Variants in SPDL1 observed in about 807,000 individuals in gnomAD.
SPDL1 encodes the protein protein Spindly.
A neutral mutation model predicts 79.5 loss-of-function variants in SPDL1; 85 were observed. The ratio of observed to expected loss-of-function variants is 1.07; its 90% CI spans 0.90 to 1.28. The LOEUF (loss-of-function observed/expected upper bound fraction) is 1.28. SPDL1 is among the 50% of genes most tolerant of loss of function. The probability of loss-of-function intolerance (pLI) is 0.00; values close to 1 mark genes in which losing one functional copy is unlikely to be tolerated. For missense variants in SPDL1, 703 were observed against 697.8 expected, an observed-to-expected ratio of 1.01 and a Z score of -0.08; for synonymous variants, 269 against 240.3, an observed-to-expected ratio of 1.12 and a Z score of -1.10.
intron 1 of SPDL1, among the ~76,000 whole-genome samples, chr5:169,586,906 T>G (rs1242302858): frequency 1.3e-5 from 2 of 152,190 alleles, no homozygotes; most frequent in Non-Finnish European, 2.9e-5. Flanking sequence ...TGACTTCCCA[T>G]GTCACCCAAA....
intron 3 of SPDL1, among the ~76,000 whole-genome samples, chr5:169,593,110 G>A (rs1177645160): frequency 6.6e-6 from 1 of 152,018 alleles, no homozygotes; most frequent in African/African-American, 2.4e-5. Context: ...TAGCCAAGTG[G>A]TCCGCATCAT....
At chr5:169,596,806 A>G (rs1581309861) in intron 8 of SPDL1, 105 bp downstream of exon 8, 1 of 956,376 alleles carries the variant, frequency 1.0e-6, no homozygotes, top group East Asian at 2.9e-5. Flanking sequence ...CTTGTGGGAG[A>G]TACTTTGAGA....
In SPDL1 at chr5:169,594,414, A is replaced by G. The variant is rs371317692; in HGVS notation, c.702A>G (p.Gln234=). Residue 234 remains glutamine (Q), a synonymous_variant, in exon 6 of 12, where the codon CAA becomes CAG. Coordinates refer to ENST00000265295, the MANE Select transcript of SPDL1 (RefSeq NM_017785.5). ...TTTAGAAAGCTCGTGTAGCAAATCA[A>G]GATCTTCAGGTACAGTTGGACCAGG... ...NALEKARVAN[Q]DLQVQLDQAL... is the part of the protein sequence containing the mutation. The G allele has an allele frequency of 2.5e-5, 40 of 1,614,014 alleles. No individual in the cohort carries two copies. The highest frequency in any genetic ancestry group is 3.4e-5 in the Non-Finnish European group (40 of 1,179,964).
intron 1 of SPDL1, among the ~76,000 whole-genome samples, chr5:169,586,568 G>T (rs1754995702): frequency 6.6e-6 from 1 of 152,152 alleles, no homozygotes; most frequent in Non-Finnish European, 1.5e-5. Flanking sequence ...TCAAATTCCT[G>T]ATTTTATTTC....
intron 2 of SPDL1, among the ~76,000 whole-genome samples, chr5:169,590,391 G>A (rs571470087): frequency 1.3e-5 from 2 of 152,202 alleles, no homozygotes; most frequent in Non-Finnish European, 2.9e-5. Context: ...GTGTTTAACA[G>A]TTAATACTCT....
intron 2 of SPDL1, 58 bp from the exon 3 acceptor site, chr5:169,590,990 T>C: frequency 7.3e-7 from 1 of 1,372,710 alleles, no homozygotes; most frequent in Non-Finnish European, 1.0e-6. Context: ...AAACTGATTG[T>C]ATGTAATGGC....
chr5:169,595,291 G>C (rs780582183), intron 7 of SPDL1: 4 of 152,178 alleles, frequency 2.6e-5, no homozygotes, highest in Non-Finnish European at 4.4e-5. Context: ...ACTCTACTGA[G>C]GTAGTAATTG....
At chr5:169,593,802 A>G (rs1349664574) in intron 4 of SPDL1, among the ~76,000 whole-genome samples, 2 of 152,186 alleles carry the variant, frequency 1.3e-5, no homozygotes, top group Non-Finnish European at 2.9e-5. Context: ...TTAGAGGCAT[A>G]TACTCTGATC....
chr5:169,601,182 T>C, intron 10 of SPDL1, 98 bp from the exon 11 acceptor site: 2 of 1,037,664 alleles, frequency 1.9e-6, no homozygotes, highest in Non-Finnish European at 2.8e-6. Context: ...TTTAAAAGAA[T>C]GGAAAAAGGT....
chr5:169,590,253 A>G (rs1755206471), intron 2 of SPDL1, among the ~76,000 whole-genome samples: 2 of 152,242 alleles, frequency 1.3e-5, no homozygotes, highest in South Asian at 2.1e-4. Context: ...TTGTGTTTCT[A>G]CATAGTACTG....
chr5:169,593,381 G>T lies in SPDL1; in HGVS notation c.364G>T (p.Glu122Ter). 6.3e-7 allele frequency: 1 copy of T among 1,595,376 alleles called. No homozygotes were observed. Among genetic ancestry groups the T allele is most frequent in the Non-Finnish European group, 8.5e-7 (1 of 1,175,034 alleles). ...AGAAAAACTGAAAGTGGAATTAGAT[G>T]AAGCCAGGCTTAGTGAAAAGCAGCT... ...KIEKLKVELD[E>*]ARLSEKQLKH... Residue 122 changes from glutamate (E) to a stop codon, truncating the protein, a stop_gained, in exon 4 of 12, where the codon GAA (glutamate) becomes TAA (stop). Coordinates refer to ENST00000265295, the MANE Select transcript of SPDL1 (RefSeq NM_017785.5). LOFTEE classifies it high-confidence loss of function.
intron 9 of SPDL1, 95 bp downstream of exon 9, chr5:169,598,674 G>A: frequency 8.9e-7 from 1 of 1,122,294 alleles, no homozygotes; most frequent in Non-Finnish European, 1.3e-6. Flanking sequence ...ATTGCCAAAG[G>A]AAATTTTCCG....
rs750341189 is a variant in SPDL1, at chr5:169,588,492, T to C, written c.76T>C (p.Tyr26His). 75 of 1,613,786 alleles carry C rather than the reference T, an allele frequency of 4.6e-5. No homozygotes were observed. The highest frequency in any genetic ancestry group is 6.4e-5 in the Non-Finnish European group (75 of 1,179,884). The stretch of plus-strand genomic sequence containing the variant: ...AGAAGAGCGACTAAAAGCTGCACAG[T>C]ATGGTTTACAACTAGTAGAGAGTCA... The part of the protein sequence containing the change: ...AEEERLKAAQ[Y>H]GLQLVESQNE... The change falls in exon 2 of 12, where the codon TAT becomes CAT. Residue 26 changes from tyrosine to histidine, a missense_variant. Physicochemically the swap from Tyr to His is moderately conservative, Grantham distance 83. Transcript: ENST00000265295.
Position 169,599,048 on chromosome 5 carries a change from G to A in SPDL1, c.1213G>A (p.Asp405Asn). 1 of 1,602,028 alleles carries A rather than the reference G, an allele frequency of 6.2e-7. No individual in the cohort carries two copies. The highest frequency in any genetic ancestry group is 2.2e-5 in the East Asian group (1 of 44,548). Reference protein sequence around the residue: ...KALFESQRALDIERKLFANER... With the variant: ...KALFESQRALNIERKLFANER... Reference sequence around the variant, plus strand: ...ATTATTTGAGAGCCAGCGGGCTCTAGATATTGAGCGAAAACTTTTTGCAAA... The same window carrying A: ...ATTATTTGAGAGCCAGCGGGCTCTAAATATTGAGCGAAAACTTTTTGCAAA... Residue 405 changes from aspartate (D) to asparagine (N), a missense_variant, in exon 10 of 12, where the codon GAT (aspartate) becomes AAT (asparagine). By Grantham distance (23) the Asp-to-Asn change is conservative. Transcript: ENST00000265295.
In SPDL1 at chr5:169,599,154, C is replaced by G; in HGVS notation, c.1319C>G (p.Pro440Arg). The G allele has an allele frequency of 1.3e-6, 2 of 1,503,160 alleles. No individual in the cohort carries two copies. The highest frequency in any genetic ancestry group is 1.8e-6 in the Non-Finnish European group (2 of 1,101,508). The allele number at this position is 1,503,160 out of a possible 1,614,324, so 93.1% of individuals were successfully genotyped here. ...KLDELKLKYE[P>R]EETVEVPVLK... The stretch of plus-strand genomic sequence containing the variant: ...GATGAATTGAAACTAAAATATGAAC[C>G]TGAAGGTATATATGTCTCATATATT... Residue 440 changes from proline to arginine, a missense_variant, in exon 10 of 12, where the codon CCT becomes CGT. Transcript: ENST00000265295.
chr5:169,595,246 T>A (rs1025278442), intron 7 of SPDL1: 7 of 152,372 alleles, frequency 4.6e-5, no homozygotes, highest in African/African-American at 1.7e-4. Flanking sequence ...ATTGTAACAG[T>A]CCTTAGAATC....
chr5:169,604,320 G>C lies in SPDL1; in HGVS notation c.*113G>C, dbSNP rs2113405991. On this transcript the variant is annotated 3_prime_UTR_variant, in exon 12 of 12. Transcript: ENST00000265295. The stretch of plus-strand genomic sequence containing the variant: ...TCTGGGTTATTTACTCATTGTGCCA[G>C]GACCTGGCATTTTCATGTGCCTTTG... 9.0e-7 allele frequency: 1 copy of C among 1,111,280 alleles called. No individual in the cohort carries two copies. The highest frequency in any genetic ancestry group is 2.5e-5 in the South Asian group (1 of 40,458). 68.8% of individuals were successfully genotyped at this position (1,111,280 alleles called of 1,614,324 possible).
At chr5:169,584,032 A>T (rs1354724945) in intron 1 of SPDL1, 143 bp downstream of exon 1, 2 of 152,164 alleles carry the variant, frequency 1.3e-5, no homozygotes, top group East Asian at 3.9e-4. Context: ...CTGGGGTCTT[A>T]TACACTGGGT....
Position 169,601,615 on chromosome 5 carries a change from A to G in SPDL1, c.1660A>G (p.Asn554Asp). 1 of 1,613,950 alleles carries G rather than the reference A, an allele frequency of 6.2e-7. No individual in the cohort carries two copies. Among genetic ancestry groups the G allele is most frequent in the East Asian group, 2.2e-5 (1 of 44,872 alleles). ...ALSERSGNTP[N>D]SPRLAAESKL... is the part of the protein sequence containing the mutation. ...AAGTGAAAGAAGTGGAAACACCCCT[A>G]ACTCTCCCAGGTCAGTGTCCTCTTT... The change falls in exon 11 of 12, where the codon AAC becomes GAC. Residue 554 changes from asparagine (N) to aspartate (D), a missense_variant. By Grantham distance (23) the Asn-to-Asp change is conservative. Transcript: ENST00000265295.
Sources: gnomAD v4.1 joint callset for allele counts (sites outside exome capture counted in the v4.1 genomes callset) on GRCh38, gnomAD v4.1.1 for gene constraint, MANE v1.5 for transcripts, NCBI Gene and HGNC (gene_info 2026-07-23, HGNC 2026-07-21) for gene names.